NFIB: variants seen among roughly 807,000 people sequenced by gnomAD.
NFIB encodes nuclear factor 1 B-type.
NFIB carries 11 observed loss-of-function variants against 61.5 expected under a neutral mutation model. The ratio of observed to expected loss-of-function variants is 0.18; its 90% CI spans 0.11 to 0.30. The LOEUF is 0.30. Ranked by LOEUF, NFIB falls within the 10% of genes least tolerant of loss-of-function variation. The pLI, the probability that NFIB is intolerant of heterozygous loss-of-function variation, is 1.00. For missense variants in NFIB, 471 were observed against 608.9 expected, an observed-to-expected ratio of 0.77 and a Z score of 2.38; for synonymous variants, 260 against 216.5, an observed-to-expected ratio of 1.20 and a Z score of -1.76.
the NFIB span, among the ~76,000 whole-genome samples, chr9:14,440,489 A>C: frequency 6.6e-6 from 1 of 152,108 alleles, no homozygotes; most frequent in Non-Finnish European, 1.5e-5. Flanking sequence ...CACAGGGTCT[A>C]TGTCCAATTT....
At chr9:14,376,061 T>A (rs2061415403) in intron 1 of NFIB, among the ~76,000 whole-genome samples, 1 of 152,142 alleles carries the variant, frequency 6.6e-6, no homozygotes, top group South Asian at 2.1e-4. Context: ...TGGAACTTTT[T>A]AAAAAAAGAG....
Position 14,192,306 on chromosome 9 carries a change from T to C in NFIB, c.563-12526A>G, listed in dbSNP as rs370999787. 2.0e-5 allele frequency among the ~76,000 whole-genome samples: 3 copies of C among 152,258 alleles called. No individual in the cohort carries two copies. The East Asian group carries it at 5.8e-4, about 29-fold the overall frequency. ...AAATTTTCAGATAGGATTTAAAAAA[T>C]TAGTAACTCAACACCAGTAAGAAAA... On this transcript the variant is annotated intron_variant, in intron 2 of 10. Coordinates refer to ENST00000380953, the MANE Select transcript of NFIB (RefSeq NM_001190737.2).
chr9:14,279,816 G>C (rs1050233825), intron 2 of NFIB, among the ~76,000 whole-genome samples: 1 of 152,114 alleles, frequency 6.6e-6, no homozygotes, highest in Non-Finnish European at 1.5e-5. Context: ...GTAAACAATG[G>C]TCCTGTAATA....
intron 2 of NFIB, among the ~76,000 whole-genome samples, chr9:14,281,780 T>C (rs937067925): frequency 6.6e-6 from 1 of 152,108 alleles, no homozygotes; most frequent in Non-Finnish European, 1.5e-5. Flanking sequence ...CTTGACTAAA[T>C]GATTATAATC....
At chr9:14,249,635 A>C (rs767096306) in intron 2 of NFIB, among the ~76,000 whole-genome samples, 1 of 152,120 alleles carries the variant, frequency 6.6e-6, no homozygotes, top group Non-Finnish European at 1.5e-5. Flanking sequence ...AATAGTAGAT[A>C]CTTAGCAAGT....
At chr9:14,405,800 A>G in the NFIB span, among the ~76,000 whole-genome samples, 2 of 152,238 alleles carry the variant, frequency 1.3e-5, no homozygotes, top group South Asian at 2.1e-4. Flanking sequence ...CTTCCTATTT[A>G]GCCCCGATGG....
chr9:14,481,220 T>TATATAC, the NFIB span, among the ~76,000 whole-genome samples: 1 of 108,798 alleles, frequency 9.2e-6, no homozygotes, highest in Non-Finnish European at 2.0e-5. Context: ...TATATATATA[T>TATATAC]ATATATATAT....
intron 7 of NFIB, among the ~76,000 whole-genome samples, chr9:14,123,738 C>T (rs1239354148): frequency 2.0e-5 from 3 of 152,038 alleles, no homozygotes; most frequent in Non-Finnish European, 4.4e-5. Flanking sequence ...TGCCTCTCTG[C>T]CTCCCAGTTT....
chr9:14,102,317 C>T, intron 10 of NFIB: 13 of 996,994 alleles, frequency 1.3e-5, no homozygotes, highest in Non-Finnish European at 1.8e-5. Context: ...GCCAAAACAA[C>T]TAAATTTTTA....
At chr9:14,182,009 A>G in intron 2 of NFIB, among the ~76,000 whole-genome samples, 1 of 152,228 alleles carries the variant, frequency 6.6e-6, no homozygotes, top group East Asian at 1.9e-4. Context: ...CCAGCAGAGA[A>G]AAGAATGAAA....
intron 2 of NFIB, among the ~76,000 whole-genome samples, chr9:14,247,396 G>C (rs1259708799): frequency 2.6e-5 from 4 of 152,216 alleles, no homozygotes; most frequent in African/African-American, 7.2e-5. Flanking sequence ...GGGAGAGGCA[G>C]TGACCATGCC....
At chr9:14,182,531 G>GA (rs1463213035) in intron 2 of NFIB, among the ~76,000 whole-genome samples, 2 of 152,108 alleles carry the variant, frequency 1.3e-5, no homozygotes, top group Non-Finnish European at 2.9e-5. Context: ...GGTTGGCAGA[G>GA]AAACCAAAAA....
chr9:14,472,133 A>G, the NFIB span, among the ~76,000 whole-genome samples: 3 of 152,244 alleles, frequency 2.0e-5, no homozygotes, highest in African/African-American at 7.2e-5. Context: ...CATCAGGTTG[A>G]CTGAAATTTT....
chr9:14,384,569 G>A (rs2133011714), intron 1 of NFIB, among the ~76,000 whole-genome samples: 1 of 152,080 alleles, frequency 6.6e-6, no homozygotes, highest in East Asian at 1.9e-4. Flanking sequence ...AGAGTAGATT[G>A]TCCAACCAGG....
At chr9:14,304,041 A>T (rs188907151) in intron 2 of NFIB, among the ~76,000 whole-genome samples, 1 of 152,358 alleles carries the variant, frequency 6.6e-6, no homozygotes, top group Admixed American at 6.5e-5. Flanking sequence ...TAACAAAGAG[A>T]TTTAGCTTTA....
chr9:14,145,290 T>C (rs2042164519), intron 6 of NFIB, among the ~76,000 whole-genome samples: 2 of 152,086 alleles, frequency 1.3e-5, no homozygotes, highest in African/African-American at 4.8e-5. Context: ...AGGGTTATGC[T>C]TTTGTCTCAG....
chr9:14,343,839 G>A (rs1442817294), intron 1 of NFIB, among the ~76,000 whole-genome samples: 1 of 151,560 alleles, frequency 6.6e-6, no homozygotes, highest in Non-Finnish European at 1.5e-5. Flanking sequence ...GGGTCGGGGG[G>A]GGAAGTGTGC....
chr9:14,478,315 C>G, the NFIB span, among the ~76,000 whole-genome samples: 1 of 152,196 alleles, frequency 6.6e-6, no homozygotes, highest in East Asian at 1.9e-4. Context: ...GCTTTTGCCT[C>G]AGATGCTGCT....
At chr9:14,198,610 C>T (rs958181161) in intron 2 of NFIB, among the ~76,000 whole-genome samples, 1 of 152,146 alleles carries the variant, frequency 6.6e-6, no homozygotes, top group Admixed American at 6.5e-5. Flanking sequence ...TCAGATTCAC[C>T]TGAGATGCTT....
Sources: allele counts gnomAD v4.1 joint callset (sites outside exome capture counted in the v4.1 genomes callset), GRCh38; gene constraint gnomAD v4.1.1; transcripts MANE v1.5; gene names NCBI Gene and HGNC (gene_info 2026-07-23, HGNC 2026-07-21).